The following TRIM62 variants were observed in gnomAD, a reference collection of about 807,000 sequenced individuals.
TRIM62 encodes the protein E3 ubiquitin-protein ligase TRIM62.
TRIM62 carries 39 observed loss-of-function variants against 44.2 expected under a neutral mutation model. The observed-to-expected ratio is 0.88, with a 90% CI of 0.68 to 1.15. The LOEUF (loss-of-function observed/expected upper bound fraction) is 1.15. Among genes scored for constraint, TRIM62 ranks in the 50% most tolerant of loss-of-function variants. The pLI is 0.00. For synonymous variants in TRIM62, 278 were observed against 292.3 expected, an observed-to-expected ratio of 0.95 and a Z score of 0.50; for missense variants, 544 against 665.5, an observed-to-expected ratio of 0.82 and a Z score of 2.01.
At chr1:33,170,902 A>G (rs889056591) in intron 1 of TRIM62, among the ~76,000 whole-genome samples, 1 of 152,208 alleles carries the variant, frequency 6.6e-6, no homozygotes, top group African/African-American at 2.4e-5. Flanking sequence ...GTTCAGCCTC[A>G]CAGGGCACAG....
At chr1:33,174,215 T>C (rs1645396156) in intron 1 of TRIM62, among the ~76,000 whole-genome samples, 1 of 151,970 alleles carries the variant, frequency 6.6e-6, no homozygotes, top group African/African-American at 2.4e-5. Flanking sequence ...TCTCACTCTG[T>C]TGCCCAGGCT....
rs143676961 is a variant in TRIM62, at chr1:33,170,279, G to A, written c.409-4713C>T. Among the ~76,000 whole-genome samples, 186 of 151,396 alleles carry A rather than the reference G, an allele frequency of 1.2e-3. 2 individuals are homozygous for A. Among genetic ancestry groups the A allele is most frequent in the African/African-American group, 4.3e-3 (177 of 41,210 alleles). On this transcript the variant is annotated intron_variant, in intron 1 of 4. Coordinates refer to ENST00000291416, the MANE Select transcript of TRIM62 (RefSeq NM_018207.3). ...CAGGAGGTTGCAGTGAGCCAAGATC[G>A]TGCCACTGCACTCCAGCCTGGGTGA... is the stretch of plus-strand genomic sequence containing the variant.
intron 1 of TRIM62, among the ~76,000 whole-genome samples, chr1:33,172,351 A>T (rs1053104504): frequency 2.0e-5 from 3 of 151,982 alleles, no homozygotes; most frequent in African/African-American, 4.8e-5. Flanking sequence ...AGGTGGGGAG[A>T]ACAGGTTGGG....
chr1:33,181,323 T>C lies in TRIM62; in HGVS notation c.110A>G (p.Glu37Gly). The change falls in exon 1 of 5, where the codon GAG becomes GGG. Residue 37 changes from glutamate to glycine, a missense_variant. Glu to Gly is a moderately conservative substitution (Grantham distance 98). Transcript: ENST00000291416. The surrounding 1 kb of genome is among the most constrained non-coding windows in gnomAD (Gnocchi z 6.5). The part of the protein sequence containing the change: ...EHYFCRRCIT[E>G]HWVRQEAQGA... ...CTGCGCCTCCTGCCGCACCCAGTGCTCCGTGATGCAGCGGCGGCAGAAGTA... is the reference window on the plus strand; with the variant it reads ...CTGCGCCTCCTGCCGCACCCAGTGCCCCGTGATGCAGCGGCGGCAGAAGTA... 9 of 1,572,614 alleles carry C rather than the reference T, an allele frequency of 5.7e-6. No individual in the cohort carries two copies. The highest frequency in any genetic ancestry group is 7.7e-6 in the Non-Finnish European group (9 of 1,163,464).
intron 1 of TRIM62, among the ~76,000 whole-genome samples, chr1:33,172,945 T>C (rs943612353): frequency 3.3e-5 from 5 of 152,218 alleles, no homozygotes; most frequent in Non-Finnish European, 7.3e-5. Context: ...TAAAGTGAGA[T>C]GGCACCTATG....
Position 33,181,031 on chromosome 1 carries a change from C to T in TRIM62, c.402G>A (p.Glu134=). ...QVTGIDDAFD[E]LQRELKDQLQ... ...GGCAGGCCGGGTAGCGCACCTGCAG[C>T]TCGTCGAAGGCGTCGTCGATGCCGG... is the stretch of plus-strand genomic sequence containing the variant. Residue 134 remains glutamate (E), a synonymous_variant, in exon 1 of 5, where the codon GAG becomes GAA. Transcript: ENST00000291416. The surrounding 1 kb of genome is among the most constrained non-coding windows in gnomAD (Gnocchi z 6.5). 6.5e-7 allele frequency: 1 copy of T among 1,542,270 alleles called. No homozygotes were observed. The highest frequency in any genetic ancestry group is 1.1e-5 in the South Asian group (1 of 89,430).
rs1004689197 is a variant in TRIM62 at position 33,161,601 on chromosome 1, C to T, written c.505-1657G>A. On this transcript the variant is annotated intron_variant, in intron 2 of 4. Transcript: ENST00000291416. The surrounding 1 kb of genome is among the most constrained non-coding windows in gnomAD (Gnocchi z 4.3). ...CGCCAGGCAGACAAAGGGGGGCGGA[C>T]GAGAGTCTGGGGATGCACGGCCAGG... is the stretch of plus-strand genomic sequence containing the variant. 3.9e-5 allele frequency among the ~76,000 whole-genome samples: 6 copies of T among 151,988 alleles called. No individual in the cohort carries two copies. The highest frequency in any genetic ancestry group is 8.8e-5 in the Non-Finnish European group (6 of 67,948).
Position 33,181,680 on chromosome 1 carries a change from A to C in TRIM62, c.-248T>G, listed in dbSNP as rs1294949062. 1 of 586,084 alleles carries C rather than the reference A, an allele frequency of 1.7e-6. No individual in the cohort carries two copies. Among genetic ancestry groups the C allele is most frequent in the Non-Finnish European group, 2.8e-6 (1 of 353,918 alleles). The allele number at this position is 586,084 out of a possible 1,614,324, so 36.3% of individuals were successfully genotyped here. On this transcript the variant is annotated 5_prime_UTR_variant, in exon 1 of 5. Transcript: ENST00000291416. This position sits in a 1 kb window ranked among gnomAD's most constrained non-coding sequence, Gnocchi z 6.5. ...TAGAGGTAGTGGGCAGCTCAAGGCG[A>C]TGGGCGCTGGGAGGAGGCTGTGAGC...
chr1:33,169,658 T>C (rs1024455485), intron 1 of TRIM62, among the ~76,000 whole-genome samples: 1 of 152,168 alleles, frequency 6.6e-6, no homozygotes, highest in Non-Finnish European at 1.5e-5. Context: ...TCCTAGCTCT[T>C]GGTCCAGACG....
chr1:33,160,971 T>C (rs2124732990), intron 2 of TRIM62, among the ~76,000 whole-genome samples: 1 of 152,298 alleles, frequency 6.6e-6, no homozygotes, highest in South Asian at 2.1e-4. Flanking sequence ...GGTGAAGTAG[T>C]GAAGGGCACA....
intron 2 of TRIM62, among the ~76,000 whole-genome samples, 185 bp from the exon 3 acceptor site, chr1:33,160,129 A>G (rs1645244634): frequency 6.6e-6 from 1 of 152,188 alleles, no homozygotes; most frequent in Admixed American, 6.5e-5. Context: ...TATGTGGTCC[A>G]TTAAATAGCT....
chr1:33,165,210 G>A lies in TRIM62; in HGVS notation c.504+261C>T, dbSNP rs1645315761. ...CCTCAACTTCCACCCAAAGTGGGAAGGGAGAAATGGCCCCGTCCTTAACCG... is the reference window on the plus strand; with the variant it reads ...CCTCAACTTCCACCCAAAGTGGGAAAGGAGAAATGGCCCCGTCCTTAACCG... On this transcript the variant is annotated intron_variant, in intron 2 of 4. Transcript: ENST00000291416. The surrounding 1 kb of genome is among the most constrained non-coding windows in gnomAD (Gnocchi z 4.0). 1 of 362,756 alleles carries A rather than the reference G, an allele frequency of 2.8e-6. No individual in the cohort carries two copies. The highest frequency in any genetic ancestry group is 5.0e-6 in the Non-Finnish European group (1 of 198,526). The allele number at this position is 362,756 out of a possible 1,614,324, so 22.5% of individuals were successfully genotyped here.
chr1:33,181,005 A>T lies in TRIM62; in HGVS notation c.408+20T>A. 1.2e-6 allele frequency: 1 copy of T among 809,306 alleles called. No homozygotes were observed. The highest frequency in any genetic ancestry group is 1.5e-6 in the Non-Finnish European group (1 of 668,560). The allele number at this position is 809,306 out of a possible 1,614,324, so 50.1% of individuals were successfully genotyped here. A position where few individuals can be genotyped will look rare whatever the true frequency, so the allele number is the denominator to read the frequency against. On this transcript the variant is annotated intron_variant, in intron 1 of 4. Coordinates refer to ENST00000291416, the MANE Select transcript of TRIM62 (RefSeq NM_018207.3). This position sits in a 1 kb window ranked among gnomAD's most constrained non-coding sequence, Gnocchi z 6.5. ...TCCAGCCCGGCCCCGCCCCTTCCCC[A>T]GGCAGGCCGGGTAGCGCACCTGCAG...
chr1:33,147,324 G>A lies in TRIM62; in HGVS notation c.1281C>T (p.Leu427=), dbSNP rs781668478. 1 of 1,614,218 alleles carries A rather than the reference G, an allele frequency of 6.2e-7. No individual in the cohort carries two copies. The highest frequency in any genetic ancestry group is 2.2e-5 in the East Asian group (1 of 44,888). Residue 427 remains leucine (L), a synonymous_variant, in exon 5 of 5, where the codon CTC becomes CTT. Coordinates refer to ENST00000291416, the MANE Select transcript of TRIM62 (RefSeq NM_018207.3). This position sits in a 1 kb window ranked among gnomAD's most constrained non-coding sequence, Gnocchi z 8.1. ...ACATGTCATCAGCATTGTAGAAGAT[G>A]AGCAAGCCTTGGTCATAGTCCAGGA... ...GVFLDYDQGL[L]IFYNADDMSW...
chr1:33,156,115 C>T (rs146576996), intron 4 of TRIM62, among the ~76,000 whole-genome samples: 1 of 152,198 alleles, frequency 6.6e-6, no homozygotes, highest in African/African-American at 2.4e-5. Flanking sequence ...TGCAGCAGAT[C>T]GCAGTCAAGG....
chr1:33,180,962 C>A (rs1645456543), intron 1 of TRIM62, 63 bp downstream of exon 1: 1 of 495,868 alleles, frequency 2.0e-6, no homozygotes, highest in Non-Finnish European at 3.6e-6. Flanking sequence ...CTGACCCCAC[C>A]CCCCGCCCGG....
chr1:33,149,826 T>G (rs1645072361), intron 4 of TRIM62, among the ~76,000 whole-genome samples: 1 of 152,220 alleles, frequency 6.6e-6, no homozygotes, highest in Admixed American at 6.5e-5. Context: ...CATTTTGCCC[T>G]ATTTCCCCAT....
chr1:33,172,070 T>A (rs1009498831), intron 1 of TRIM62, among the ~76,000 whole-genome samples: 2 of 152,156 alleles, frequency 1.3e-5, no homozygotes, highest in African/African-American at 4.8e-5. Flanking sequence ...GCATCAGCCA[T>A]GGCACCGGAC....
rs559353067 is a variant in TRIM62 at position 33,154,901 on chromosome 1, G to C, written c.877+3352C>G. Among the ~76,000 whole-genome samples, 18 of 151,888 alleles carry C rather than the reference G, an allele frequency of 1.2e-4. No individual in the cohort carries two copies. In the South Asian group the frequency reaches 3.1e-3, roughly 26 times the overall value. On this transcript the variant is annotated intron_variant, in intron 4 of 4. Coordinates refer to ENST00000291416, the MANE Select transcript of TRIM62 (RefSeq NM_018207.3). ...GAGGTCAGGAGATCGAGACCATCCT[G>C]GCTAACACGGTGAAACCCCGTCTCT...
Sources: gnomAD v4.1 joint callset for allele counts (sites outside exome capture counted in the v4.1 genomes callset) on GRCh38, gnomAD v4.1.1 for gene constraint, Gnocchi (gnomAD v3.1) non-coding constraint, MANE v1.5 for transcripts, NCBI Gene and HGNC (gene_info 2026-07-23, HGNC 2026-07-21) for gene names.